Variants in SUFU observed in about 807,000 individuals in gnomAD.
SUFU encodes SUFU negative regulator of hedgehog signaling, also known as suppressor of fused homolog.
A neutral mutation model predicts 58.9 loss-of-function variants in SUFU; 7 were observed. That is an observed-to-expected ratio of 0.12 (90% CI 0.07 to 0.22). The LOEUF (loss-of-function observed/expected upper bound fraction) is 0.22, where lower values mean the gene tolerates loss of function less well. Among genes scored for constraint, SUFU ranks in the 10% least tolerant of loss-of-function variants. The probability of loss-of-function intolerance (pLI) is 1.00; values close to 1 mark genes in which losing one functional copy is unlikely to be tolerated. For missense variants in SUFU, 451 were observed against 641.3 expected (o/e 0.70, Z 3.20); for synonymous variants, 232 against 254.8 (o/e 0.91, Z 0.85).
intron 3 of SUFU, among the ~76,000 whole-genome samples, chr10:102,565,650 T>C (rs2063080296): frequency 6.6e-6 from 1 of 152,184 alleles, no homozygotes; most frequent in Non-Finnish European, 1.5e-5. Context: ...GTTCACGGCA[T>C]TCTCCTGCCT....
At chr10:102,534,393 C>T (rs2062711707) in intron 2 of SUFU, among the ~76,000 whole-genome samples, 1 of 152,170 alleles carries the variant, frequency 6.6e-6, no homozygotes, top group Non-Finnish European at 1.5e-5. Flanking sequence ...TGCCACTGCA[C>T]TCTGGCCTGG....
At chr10:102,571,856 A>G (rs2063164877) in intron 3 of SUFU, among the ~76,000 whole-genome samples, 1 of 152,086 alleles carries the variant, frequency 6.6e-6, no homozygotes, top group Admixed American at 6.6e-5. Context: ...CCTTGTTCAT[A>G]TACAGGCTGC....
At chr10:102,571,231 T>C (rs912937337) in intron 3 of SUFU, among the ~76,000 whole-genome samples, 3 of 152,194 alleles carry the variant, frequency 2.0e-5, no homozygotes, top group African/African-American at 7.2e-5. Context: ...AGAAAAATAG[T>C]CAGTACTAAT....
intron 2 of SUFU, among the ~76,000 whole-genome samples, chr10:102,515,269 G>C (rs190557927): frequency 6.6e-6 from 1 of 151,044 alleles, no homozygotes; most frequent in East Asian, 2.0e-4. Flanking sequence ...GTCTCCTGCA[G>C]TTGAGAAATG....
intron 2 of SUFU, among the ~76,000 whole-genome samples, chr10:102,541,066 A>G (rs566753178): frequency 2.1e-4 from 32 of 150,764 alleles, no homozygotes; most frequent in Admixed American, 5.9e-4. Flanking sequence ...TCCCCCTTTC[A>G]GTGTGGTTAT....
intron 2 of SUFU, among the ~76,000 whole-genome samples, chr10:102,518,463 T>TTG (rs2135656205): frequency 6.6e-6 from 1 of 152,246 alleles, no homozygotes; most frequent in South Asian, 2.1e-4. Context: ...AAGTGCTTTG[T>TTG]GGGGGGAAAT....
intron 8 of SUFU, among the ~76,000 whole-genome samples, chr10:102,609,988 GCTTGC>G (rs2063605465): frequency 6.6e-6 from 1 of 152,116 alleles, no homozygotes; most frequent in Non-Finnish European, 1.5e-5. Context: ...AAACAGCCAG[GCTTGC>G]CAGACCATCC....
At chr10:102,609,018 T>A (rs1564703758) in intron 8 of SUFU, among the ~76,000 whole-genome samples, 1 of 152,226 alleles carries the variant, frequency 6.6e-6, no homozygotes, top group Admixed American at 6.5e-5. Context: ...TTCATAGTCT[T>A]GAAACCCCGG....
intron 3 of SUFU, among the ~76,000 whole-genome samples, chr10:102,567,919 G>A (rs112814453): frequency 1.6e-4 from 25 of 152,168 alleles, no homozygotes; most frequent in African/African-American, 5.5e-4. Flanking sequence ...GGAAGAACAG[G>A]ACACTATCAA....
At chr10:102,568,166 C>G (rs1185255740) in intron 3 of SUFU, among the ~76,000 whole-genome samples, 4 of 150,904 alleles carry the variant, frequency 2.7e-5, no homozygotes, top group African/African-American at 4.9e-5. Context: ...CATAAAGAAA[C>G]CTTGTCGCAG....
At chr10:102,524,062 A>G (rs181284633) in intron 2 of SUFU, among the ~76,000 whole-genome samples, 1 of 152,142 alleles carries the variant, frequency 6.6e-6, no homozygotes, top group African/African-American at 2.4e-5. Flanking sequence ...CCTTTCGCAA[A>G]TAACTTCTCT....
chr10:102,523,968 C>T (rs933003387), intron 2 of SUFU, among the ~76,000 whole-genome samples: 3 of 152,338 alleles, frequency 2.0e-5, no homozygotes, highest in African/African-American at 7.2e-5. Context: ...CATTCTTCTA[C>T]CTCAGGGCCT....
rs2063695561 is a variant in SUFU, at chr10:102,617,202, C to T, written c.1158-88C>T. The T allele has an allele frequency of 6.3e-7, 1 of 1,582,398 alleles. No homozygotes were observed. Among genetic ancestry groups the T allele is most frequent in the Non-Finnish European group, 8.7e-7 (1 of 1,153,762 alleles). ...TTACCTGGCCCGCGGACCATAGTCC[C>T]CACTGTCCCAGAGCCTTGGCCAGGC... On this transcript the variant is annotated intron_variant, in intron 9 of 11. Transcript: ENST00000369902. This position sits in a 1 kb window ranked among gnomAD's most constrained non-coding sequence, Gnocchi z 4.4.
chr10:102,609,871 C>G (rs1309862732), intron 8 of SUFU, among the ~76,000 whole-genome samples: 2 of 152,146 alleles, frequency 1.3e-5, no homozygotes, highest in Non-Finnish European at 2.9e-5. Flanking sequence ...ATCTTGCACT[C>G]TCTAGACTAG....
At chr10:102,541,911 C>T (rs1249796292) in intron 2 of SUFU, among the ~76,000 whole-genome samples, 8 of 115,046 alleles carry the variant, frequency 7.0e-5, no homozygotes, top group Non-Finnish European at 1.2e-4. Context: ...GACAGAGTTT[C>T]GCTCTTGTTG....
At chr10:102,554,846 G>A (rs1208638823) in intron 3 of SUFU, among the ~76,000 whole-genome samples, 5 of 152,210 alleles carry the variant, frequency 3.3e-5, no homozygotes, top group Non-Finnish European at 7.3e-5. Context: ...CTATAAAGCA[G>A]GGATAATAGT....
In SUFU at chr10:102,630,621, A is replaced by C; in HGVS notation, c.*466A>C. 1 of 310,120 alleles carries C rather than the reference A, an allele frequency of 3.2e-6. No homozygotes were observed. The highest frequency in any genetic ancestry group is 6.1e-6 in the Non-Finnish European group (1 of 163,034). The allele number at this position is 310,120 out of a possible 1,614,324, so 19.2% of individuals were successfully genotyped here. A position where few individuals can be genotyped will look rare whatever the true frequency, so the allele number is the denominator to read the frequency against. On this transcript the variant is annotated 3_prime_UTR_variant, in exon 12 of 12. Transcript: ENST00000369902. ...ACTCAAGCTCCTCTGGCCGCGGAACAATTCCTCTGATCATGTTTGGTTTTC... is the reference window on the plus strand; with the variant it reads ...ACTCAAGCTCCTCTGGCCGCGGAACCATTCCTCTGATCATGTTTGGTTTTC...
At chr10:102,505,467 G>C (rs2062313276) in intron 1 of SUFU, among the ~76,000 whole-genome samples, 1 of 152,220 alleles carries the variant, frequency 6.6e-6, no homozygotes. Flanking sequence ...GCAGCTGCTT[G>C]GGGGTGTAGC....
chr10:102,524,556 A>C (rs1437089116), intron 2 of SUFU, among the ~76,000 whole-genome samples: 2 of 151,974 alleles, frequency 1.3e-5, no homozygotes, highest in Non-Finnish European at 2.9e-5. Context: ...AAACTCCTCA[A>C]GTGATCTGCC....
Sources: gnomAD v4.1 joint callset for allele counts (sites outside exome capture counted in the v4.1 genomes callset) on GRCh38, gnomAD v4.1.1 for gene constraint, Gnocchi (gnomAD v3.1) non-coding constraint, MANE v1.5 for transcripts, NCBI Gene and HGNC (gene_info 2026-07-23, HGNC 2026-07-21) for gene names.